Variants in ASIC2 observed in about 807,000 individuals in gnomAD.
ASIC2 encodes acid sensing ion channel subunit 2.
ASIC2 carries 25 observed loss-of-function variants against 57.3 expected under a neutral mutation model. That is an observed-to-expected ratio of 0.44 (90% CI 0.32 to 0.61). ASIC2 has a LOEUF of 0.61. ASIC2 is among the 20% of genes least tolerant of loss of function. ASIC2 has a pLI of 0.06. For missense variants in ASIC2, 641 were observed against 738.1 expected, an observed-to-expected ratio of 0.87 and a Z score of 1.52; for synonymous variants, 319 against 307.5, an observed-to-expected ratio of 1.04 and a Z score of -0.39.
intron 1 of ASIC2, among the ~76,000 whole-genome samples, chr17:33,474,983 TCCA>T (rs1913172480): frequency 6.6e-6 from 1 of 152,154 alleles, no homozygotes; most frequent in African/African-American, 2.4e-5. Context: ...CTCCAGGCTG[TCCA>T]CCTCCAATCC....
intron 1 of ASIC2, among the ~76,000 whole-genome samples, chr17:33,905,872 C>T (rs947342980): frequency 2.6e-5 from 4 of 152,048 alleles, no homozygotes; most frequent in Non-Finnish European, 2.9e-5. Context: ...GGCTGGAGTG[C>T]GGTGGCATAA....
At chr17:33,894,444 A>G (rs1002279370) in intron 1 of ASIC2, among the ~76,000 whole-genome samples, 1 of 151,972 alleles carries the variant, frequency 6.6e-6, no homozygotes, top group Admixed American at 6.6e-5. Context: ...CAGAGAACAG[A>G]TATCAGCAGA....
intron 1 of ASIC2, chr17:33,565,701 G>A (rs1597787154): frequency 6.6e-6 from 1 of 152,226 alleles, no homozygotes; most frequent in East Asian, 1.9e-4. Flanking sequence ...TCTGGCCAAT[G>A]AGAGAGGGAA....
At chr17:33,031,315 T>C (rs8081966) in intron 3 of ASIC2, among the ~76,000 whole-genome samples, 21,351 of 152,146 alleles carry the variant, frequency 0.14, 1,597 homozygotes, top group South Asian at 0.18. Flanking sequence ...AAGTTGTATG[T>C]AATATTCTTA....
chr17:33,789,850 C>T (rs1306298132), intron 1 of ASIC2, among the ~76,000 whole-genome samples: 1 of 152,134 alleles, frequency 6.6e-6, no homozygotes, highest in African/African-American at 2.4e-5. Context: ...GGAATACTCC[C>T]ACCACCTAGC....
At chr17:33,672,428 A>T (rs891572862) in intron 1 of ASIC2, among the ~76,000 whole-genome samples, 4 of 123,450 alleles carry the variant, frequency 3.2e-5, no homozygotes, top group Non-Finnish European at 6.5e-5. Flanking sequence ...CTCCTTGCTT[A>T]AAAAAAAAAA....
intron 1 of ASIC2, among the ~76,000 whole-genome samples, chr17:33,146,262 G>T (rs1483801029): frequency 1.3e-5 from 2 of 152,172 alleles, no homozygotes; most frequent in Non-Finnish European, 2.9e-5. Flanking sequence ...GAATACCACT[G>T]GGTACTAGGC....
At position 33,787,469 on chromosome 17, in the gene ASIC2, G is replaced by T. The variant is rs565656143; in HGVS notation, c.555+368509C>A. On this transcript the variant is annotated intron_variant, in intron 1 of 9. Transcript: ENST00000359872. ...ATAAAAGGATAAATTAGAGCGTGAA[G>T]CCATATGTTACCAAAGGATCCAATA... is the stretch of plus-strand genomic sequence containing the variant. Among the ~76,000 whole-genome samples, 377 of 152,318 alleles carry T rather than the reference G, an allele frequency of 2.5e-3. 2 individuals carry two copies. Among genetic ancestry groups the T allele is most frequent in the African/African-American group, 8.7e-3 (362 of 41,560 alleles).
intron 1 of ASIC2, among the ~76,000 whole-genome samples, chr17:33,473,936 GT>G (rs1913135139): frequency 6.6e-6 from 1 of 151,994 alleles, no homozygotes; most frequent in African/African-American, 2.4e-5. Flanking sequence ...CGTCAATTAT[GT>G]TTTGGTCAGG....
chr17:33,648,428 A>G (rs571958330), intron 1 of ASIC2, among the ~76,000 whole-genome samples: 2 of 152,340 alleles, frequency 1.3e-5, no homozygotes, highest in South Asian at 4.1e-4. Flanking sequence ...CAGTATCCCC[A>G]CTGCCTTAAA....
chr17:34,000,309 T>C (rs773962426), intron 1 of ASIC2, among the ~76,000 whole-genome samples: 215 of 149,264 alleles, frequency 1.4e-3, no homozygotes, highest in Non-Finnish European at 2.5e-3. Flanking sequence ...TGGAGTGCAA[T>C]GGTGCGATCT....
intron 1 of ASIC2, among the ~76,000 whole-genome samples, chr17:33,268,748 T>C (rs145482859): frequency 1.6e-3 from 242 of 152,232 alleles, no homozygotes; most frequent in African/African-American, 5.6e-3. Context: ...TTCCCCACCA[T>C]CCTACAAAGT....
chr17:33,195,738 C>T (rs142897397), intron 1 of ASIC2, among the ~76,000 whole-genome samples: 28 of 152,248 alleles, frequency 1.8e-4, no homozygotes, highest in East Asian at 3.9e-4. Flanking sequence ...AATGGCTTGC[C>T]GAAGGTCATG....
chr17:33,658,092 G>C (rs937823615), intron 1 of ASIC2, among the ~76,000 whole-genome samples: 1 of 152,206 alleles, frequency 6.6e-6, no homozygotes, highest in Non-Finnish European at 1.5e-5. Flanking sequence ...ACCTGAGCCT[G>C]CTATTCCATC....
intron 1 of ASIC2, among the ~76,000 whole-genome samples, chr17:34,115,847 G>C (rs1023107666): frequency 7.2e-5 from 11 of 152,114 alleles, no homozygotes; most frequent in Non-Finnish European, 1.5e-4. Flanking sequence ...ATCCAATAGC[G>C]CAAGAGTACA....
intron 1 of ASIC2, among the ~76,000 whole-genome samples, chr17:34,067,889 T>C (rs570072934): frequency 2.0e-5 from 3 of 152,366 alleles, no homozygotes; most frequent in East Asian, 3.9e-4. Context: ...ACACAGATGA[T>C]AGACAGATGG....
intron 1 of ASIC2, among the ~76,000 whole-genome samples, chr17:33,685,487 A>C (rs1228695843): frequency 6.6e-6 from 1 of 152,060 alleles, no homozygotes; most frequent in Non-Finnish European, 1.5e-5. Flanking sequence ...AATTACCCTG[A>C]CAGCTAGTCC....
rs115425291 is a variant in ASIC2 at position 33,660,813 on chromosome 17, C to T, written c.555+495165G>A. Among the ~76,000 whole-genome samples, 254 of 152,280 alleles carry T rather than the reference C, an allele frequency of 1.7e-3. 2 individuals are homozygous for T. The highest frequency in any genetic ancestry group is 6.8e-3 in the Middle Eastern group (2 of 294). ...TGCGGTCCATCATGGACTGAAACGT[C>T]GTTATGCGGCCCATGACTGTATTCC... On this transcript the variant is annotated intron_variant, in intron 1 of 9. Coordinates refer to the ASIC2 transcript ENST00000359872.
At chr17:33,265,817 G>A (rs1212757780) in intron 1 of ASIC2, among the ~76,000 whole-genome samples, 1 of 152,026 alleles carries the variant, frequency 6.6e-6, no homozygotes, top group African/African-American at 2.4e-5. Flanking sequence ...TCTATTCATT[G>A]TTTTGTCTTC....
Sources: allele counts gnomAD v4.1 joint callset (sites outside exome capture counted in the v4.1 genomes callset), GRCh38; gene constraint gnomAD v4.1.1; transcripts MANE v1.5; gene names NCBI Gene and HGNC (gene_info 2026-07-23, HGNC 2026-07-21).